ADARB2: variants seen among roughly 807,000 people sequenced by gnomAD.
ADARB2 encodes the protein inactive double-stranded RNA-specific editase B2.
ADARB2 carries 25 observed loss-of-function variants against 62.2 expected under a neutral mutation model. That is an observed-to-expected ratio of 0.40 (90% confidence interval 0.29 to 0.56). The LOEUF (loss-of-function observed/expected upper bound fraction) is 0.56, where lower values mean the gene tolerates loss of function less well. Ranked by LOEUF, ADARB2 falls within the 20% of genes least tolerant of loss-of-function variation. The pLI is 0.43. For synonymous variants in ADARB2, 572 were observed against 500.8 expected (o/e 1.14, Z -1.90); for missense variants, 1,071 against 1,077.4 (o/e 0.99, Z 0.08).
In ADARB2 at chr10:1,426,935, C is replaced by T. The variant is rs1832897971; in HGVS notation, c.101-47775G>A. On this transcript the variant is annotated intron_variant, in intron 1 of 9. Transcript: ENST00000381312. The surrounding 1 kb of genome is among the most constrained non-coding windows in gnomAD (Gnocchi z 4.1). The stretch of plus-strand genomic sequence containing the variant: ...AGCCGGAGGACCCCTGTCCCCAAAC[C>T]CTGCCCATCGGGAAGAGGCCACAGA... Among the ~76,000 whole-genome samples the T allele has an allele frequency of 6.6e-6, 1 of 152,378 alleles. No individual in the cohort carries two copies. Among genetic ancestry groups the T allele is most frequent in the Non-Finnish European group, 1.5e-5 (1 of 68,038 alleles).
intron 1 of ADARB2, among the ~76,000 whole-genome samples, chr10:1,533,499 C>T (rs1019228151): frequency 3.3e-5 from 5 of 151,962 alleles, no homozygotes; most frequent in Non-Finnish European, 5.9e-5. Flanking sequence ...CGTGCGAGTC[C>T]CCCTAGGAAA....
Position 1,477,843 on chromosome 10 carries a change from G to T in ADARB2, c.101-98683C>A. Among the ~76,000 whole-genome samples, 1 of 152,216 alleles carries T rather than the reference G, an allele frequency of 6.6e-6. No homozygotes were observed. The highest frequency in any genetic ancestry group is 1.5e-5 in the Non-Finnish European group (1 of 68,038). ...ACATGTCTTTAACAATCCTGTGGCG[G>T]GCAGGTGCCTCCCCAGAACGCTTCT... On this transcript the variant is annotated intron_variant, in intron 1 of 9. Coordinates refer to ENST00000381312, the MANE Select transcript of ADARB2 (RefSeq NM_018702.4). This position sits in a 1 kb window ranked among gnomAD's most constrained non-coding sequence, Gnocchi z 4.5.
intron 1 of ADARB2, among the ~76,000 whole-genome samples, chr10:1,506,971 T>C (rs1831860503): frequency 6.6e-6 from 1 of 152,112 alleles, no homozygotes; most frequent in South Asian, 2.1e-4. Flanking sequence ...AGGAGGCAGG[T>C]CTTCCCCACA....
intron 1 of ADARB2, among the ~76,000 whole-genome samples, chr10:1,487,398 C>T (rs1831557351): frequency 6.6e-6 from 1 of 152,244 alleles, no homozygotes; most frequent in Non-Finnish European, 1.5e-5. Context: ...AAGATAAGCT[C>T]TTGCTGGTCT....
intron 1 of ADARB2, among the ~76,000 whole-genome samples, chr10:1,593,274 A>G (rs1243748251): frequency 7.1e-6 from 1 of 140,410 alleles, no homozygotes; most frequent in Admixed American, 7.0e-5. Flanking sequence ...CCCTCACCCA[A>G]GCCACCCTCC....
rs1184751606 is a variant in ADARB2, at chr10:1,327,337, T to C, written c.1077+35691A>G. On this transcript the variant is annotated intron_variant, in intron 3 of 9. Transcript: ENST00000381312. The stretch of plus-strand genomic sequence containing the variant: ...CACCTCCTCACTGCACAGCGCCTCC[T>C]CACTGCACAGCGCCTCCTCACGGCC... 1.5e-3 allele frequency among the ~76,000 whole-genome samples: 44 copies of C among 30,216 alleles called. 9 individuals carry two copies. Among genetic ancestry groups the C allele is most frequent in the East Asian group, 9.9e-3 (9 of 912 alleles). 19.8% of individuals were successfully genotyped at this position (30,216 alleles called of 152,430 possible).
chr10:1,513,553 T>C (rs1168468776), intron 1 of ADARB2, among the ~76,000 whole-genome samples: 3 of 152,224 alleles, frequency 2.0e-5, no homozygotes, highest in Non-Finnish European at 4.4e-5. Flanking sequence ...TCTCTCATGA[T>C]GGAGCGCGCT....
chr10:1,580,676 C>A (rs2813384), intron 1 of ADARB2, among the ~76,000 whole-genome samples: 82,862 of 151,880 alleles, frequency 0.55, 22,768 homozygotes, highest in East Asian at 0.65. Context: ...GGGCTTGGAC[C>A]GGTGGAGAGT....
At chr10:1,680,116 T>C (rs995980307) in intron 1 of ADARB2, among the ~76,000 whole-genome samples, 2 of 151,234 alleles carry the variant, frequency 1.3e-5, no homozygotes, top group African/African-American at 4.9e-5. Flanking sequence ...CCGCCACTCA[T>C]ACAAACTGCC....
At chr10:1,250,089 C>T (rs1191955009) in intron 4 of ADARB2, among the ~76,000 whole-genome samples, 2 of 116,134 alleles carry the variant, frequency 1.7e-5, no homozygotes, top group Non-Finnish European at 4.2e-5. Context: ...GAAAGACTTG[C>T]CACATTTTTG....
chr10:1,209,494 CGCCCATGCCTACACT>C (rs1837117645), intron 7 of ADARB2, among the ~76,000 whole-genome samples: 1 of 137,918 alleles, frequency 7.3e-6, no homozygotes, highest in Non-Finnish European at 1.5e-5. Context: ...CCTACACTGT[CGCCCATGCCTACACT>C]GTCACCCATG....
chr10:1,649,207 AAAG>A (rs953631626), intron 1 of ADARB2, among the ~76,000 whole-genome samples: 19 of 152,306 alleles, frequency 1.2e-4, no homozygotes, highest in Non-Finnish European at 1.8e-4. Flanking sequence ...TTCAGAAAAA[AAAG>A]AAGGATGATT....
chr10:1,530,156 G>A (rs369690859), intron 1 of ADARB2, among the ~76,000 whole-genome samples: 2 of 152,208 alleles, frequency 1.3e-5, no homozygotes, highest in Non-Finnish European at 2.9e-5. Flanking sequence ...CCACTGCCTC[G>A]TGCCTTTCTC....
At chr10:1,648,989 G>A (rs1834078467) in intron 1 of ADARB2, among the ~76,000 whole-genome samples, 1 of 152,182 alleles carries the variant, frequency 6.6e-6, no homozygotes, top group South Asian at 2.1e-4. Context: ...TCCACAGTTT[G>A]CGGTGATAAT....
chr10:1,359,209 C>T (rs1246541532), intron 3 of ADARB2, among the ~76,000 whole-genome samples: 1 of 152,138 alleles, frequency 6.6e-6, no homozygotes, highest in Non-Finnish European at 1.5e-5. Flanking sequence ...TGCAATGAGC[C>T]AGGCAGGTGC....
intron 1 of ADARB2, among the ~76,000 whole-genome samples, chr10:1,574,286 A>G (rs1432512297): frequency 6.6e-6 from 1 of 152,248 alleles, no homozygotes; most frequent in Non-Finnish European, 1.5e-5. Flanking sequence ...GAACCTGCAT[A>G]GATGATGAGG....
intron 1 of ADARB2, among the ~76,000 whole-genome samples, chr10:1,632,364 A>G (rs1262758098): frequency 2.0e-5 from 3 of 151,990 alleles, no homozygotes; most frequent in Non-Finnish European, 4.4e-5. Context: ...ACGTATACTC[A>G]CACAGGCTTG....
chr10:1,571,627 C>T (rs571494095), intron 1 of ADARB2, among the ~76,000 whole-genome samples: 10 of 152,176 alleles, frequency 6.6e-5, no homozygotes, highest in South Asian at 4.2e-4. Flanking sequence ...AGAGTGCAGG[C>T]GAGCAGGCAG....
intron 1 of ADARB2, among the ~76,000 whole-genome samples, chr10:1,598,865 A>G (rs1354130133): frequency 1.3e-5 from 2 of 152,226 alleles, no homozygotes; most frequent in African/African-American, 4.8e-5. Context: ...TGCGGCACCC[A>G]GGCAGGAAGG....
Sources: allele counts gnomAD v4.1 joint callset (sites outside exome capture counted in the v4.1 genomes callset), GRCh38; gene constraint gnomAD v4.1.1; non-coding constraint Gnocchi (gnomAD v3.1); transcripts MANE v1.5; gene names NCBI Gene and HGNC (gene_info 2026-07-23, HGNC 2026-07-21).